CTNND2: variants seen among roughly 807,000 people sequenced by gnomAD.
CTNND2 encodes the protein catenin delta-2.
A neutral mutation model predicts 144.4 loss-of-function variants in CTNND2; 22 were observed. The observed-to-expected ratio is 0.15, with a 90% CI of 0.11 to 0.22. The LOEUF (loss-of-function observed/expected upper bound fraction) is 0.22. Ranked by LOEUF, CTNND2 falls within the 10% of genes least tolerant of loss-of-function variation. The pLI is 1.00. For missense variants in CTNND2, 1,353 were observed against 1,618.8 expected (o/e 0.84, Z 2.82); for synonymous variants, 751 against 695.6 (o/e 1.08, Z -1.25).
intron 9 of CTNND2, among the ~76,000 whole-genome samples, chr5:11,310,846 C>A (rs116124888): frequency 0.01 from 1,517 of 144,832 alleles, 23 homozygotes; most frequent in African/African-American, 0.035. Flanking sequence ...TTAACCCACA[C>A]GTACTTACAC....
At chr5:11,579,871 G>C (rs550027963) in intron 2 of CTNND2, among the ~76,000 whole-genome samples, 3 of 152,138 alleles carry the variant, frequency 2.0e-5, no homozygotes, top group Admixed American at 6.5e-5. Flanking sequence ...TGGCCTCCCC[G>C]GCTGCGGCGT....
At chr5:11,530,878 T>C (rs974542019) in intron 3 of CTNND2, among the ~76,000 whole-genome samples, 1 of 152,186 alleles carries the variant, frequency 6.6e-6, no homozygotes, top group Non-Finnish European at 1.5e-5. Context: ...TAACTGCTGA[T>C]TATCCAAGCC....
intron 15 of CTNND2, among the ~76,000 whole-genome samples, chr5:11,096,766 A>T (rs1013807357): frequency 9.2e-5 from 14 of 151,672 alleles, no homozygotes; most frequent in African/African-American, 3.1e-4. Flanking sequence ...GAGAGAAAGA[A>T]GAGAGAGACA....
At chr5:11,537,629 T>C (rs183581629) in intron 3 of CTNND2, among the ~76,000 whole-genome samples, 78 of 152,270 alleles carry the variant, frequency 5.1e-4, no homozygotes, top group African/African-American at 1.9e-3. Flanking sequence ...AATTCAATGA[T>C]AAAATAAGAA....
At chr5:11,365,731 G>T (rs1459100707) in intron 7 of CTNND2, among the ~76,000 whole-genome samples, 1 of 152,194 alleles carries the variant, frequency 6.6e-6, no homozygotes, top group Non-Finnish European at 1.5e-5. Context: ...CTTTAGTGAG[G>T]GTGAAGAGGC....
chr5:11,857,430 GC>G (rs926637926), intron 1 of CTNND2, among the ~76,000 whole-genome samples: 2 of 152,180 alleles, frequency 1.3e-5, no homozygotes, highest in Non-Finnish European at 2.9e-5. Context: ...GTGTCAGCAG[GC>G]CGTGGTAAAG....
Position 11,903,720 on chromosome 5 carries a change from C to T in CTNND2, c.37+97G>A, listed in dbSNP as rs1413561553. The T allele has an allele frequency of 3.2e-6, 4 of 1,251,944 alleles. No individual in the cohort carries two copies. Among genetic ancestry groups the T allele is most frequent in the East Asian group, 6.4e-5 (2 of 31,264 alleles). The allele number at this position is 1,251,944 out of a possible 1,614,324, so 77.6% of individuals were successfully genotyped here. The stretch of plus-strand genomic sequence containing the variant: ...AGCAGCCGCCGCCGCCGCCTGCCGG[C>T]CGGGAGCCCAGGACCACCCCCACCA... On this transcript the variant is annotated intron_variant, in intron 1 of 21. Coordinates refer to ENST00000304623, the MANE Select transcript of CTNND2 (RefSeq NM_001332.4). This position sits in a 1 kb window ranked among gnomAD's most constrained non-coding sequence, Gnocchi z 5.4.
intron 1 of CTNND2, among the ~76,000 whole-genome samples, chr5:11,781,653 T>C (rs1160646637): frequency 6.6e-6 from 1 of 152,198 alleles, no homozygotes; most frequent in Non-Finnish European, 1.5e-5. Flanking sequence ...TATGGATAAT[T>C]TACACAATAC....
chr5:11,758,604 A>G (rs1789084071), intron 1 of CTNND2, among the ~76,000 whole-genome samples: 1 of 152,024 alleles, frequency 6.6e-6, no homozygotes, highest in Admixed American at 6.6e-5. Flanking sequence ...AACTCCAAAG[A>G]CAAATTTCAG....
intron 9 of CTNND2, among the ~76,000 whole-genome samples, chr5:11,267,417 AG>A (rs1355495079): frequency 6.6e-6 from 1 of 152,170 alleles, no homozygotes; most frequent in Non-Finnish European, 1.5e-5. Flanking sequence ...CTGCCTCTCC[AG>A]GGGAAAGCCA....
intron 12 of CTNND2, among the ~76,000 whole-genome samples, chr5:11,140,922 G>A (rs538071349): frequency 2.0e-5 from 3 of 152,182 alleles, no homozygotes; most frequent in African/African-American, 7.2e-5. Flanking sequence ...TATTCCTTTT[G>A]TATTGTCTGA....
chr5:11,547,245 G>A (rs1228396901), intron 3 of CTNND2, among the ~76,000 whole-genome samples: 3 of 150,902 alleles, frequency 2.0e-5, no homozygotes, highest in Admixed American at 6.6e-5. Context: ...TCTGGCCTGG[G>A]CGACAGTGTG....
chr5:11,560,112 T>C (rs1351220195), intron 3 of CTNND2, among the ~76,000 whole-genome samples: 2 of 152,194 alleles, frequency 1.3e-5, no homozygotes, highest in East Asian at 3.9e-4. Context: ...CTGAAAGGGT[T>C]ACCATAAGCA....
At chr5:11,552,441 T>A (rs777848452) in intron 3 of CTNND2, among the ~76,000 whole-genome samples, 1 of 152,232 alleles carries the variant, frequency 6.6e-6, no homozygotes, top group South Asian at 2.1e-4. Context: ...AGATAATTCA[T>A]CTGCTTTCCT....
intron 3 of CTNND2, among the ~76,000 whole-genome samples, chr5:11,557,013 T>C (rs1776285920): frequency 6.6e-6 from 1 of 152,116 alleles, no homozygotes; most frequent in Non-Finnish European, 1.5e-5. Flanking sequence ...GATTAGCTTT[T>C]GAGTACGAAT....
At chr5:11,391,930 T>C (rs1759661321) in intron 6 of CTNND2, among the ~76,000 whole-genome samples, 1 of 152,138 alleles carries the variant, frequency 6.6e-6, no homozygotes, top group South Asian at 2.1e-4. Flanking sequence ...TTGGAAGAAA[T>C]TCCTTTCCTC....
chr5:11,093,783 G>A (rs1428104139), intron 15 of CTNND2, among the ~76,000 whole-genome samples: 2 of 152,130 alleles, frequency 1.3e-5, no homozygotes, highest in East Asian at 3.8e-4. Flanking sequence ...AACACTATAT[G>A]CTGTTGTGTA....
At chr5:11,806,625 C>A (rs1792015815) in intron 1 of CTNND2, among the ~76,000 whole-genome samples, 1 of 152,058 alleles carries the variant, frequency 6.6e-6, no homozygotes, top group African/African-American at 2.4e-5. Flanking sequence ...AATGTAAAAA[C>A]CTGGGTAAGT....
intron 12 of CTNND2, among the ~76,000 whole-genome samples, chr5:11,136,614 T>C (rs995984857): frequency 6.6e-6 from 1 of 152,198 alleles, no homozygotes; most frequent in African/African-American, 2.4e-5. Flanking sequence ...ACACCTACAT[T>C]CAATCAGGCA....
Sources: gnomAD v4.1 joint callset for allele counts (sites outside exome capture counted in the v4.1 genomes callset) on GRCh38, gnomAD v4.1.1 for gene constraint, Gnocchi (gnomAD v3.1) non-coding constraint, MANE v1.5 for transcripts, NCBI Gene and HGNC (gene_info 2026-07-23, HGNC 2026-07-21) for gene names.